Variants in AMN1 observed in about 807,000 individuals in gnomAD.
AMN1 encodes the protein antagonist of mitotic exit network 1 homolog.
AMN1 carries 20 observed loss-of-function variants against 33.0 expected under a neutral mutation model. The observed-to-expected ratio is 0.61, with a 90% CI of 0.43 to 0.88. The LOEUF (loss-of-function observed/expected upper bound fraction) is 0.88. Among genes scored for constraint, AMN1 ranks in the 40% least tolerant of loss-of-function variants. The pLI is 0.00. For synonymous variants in AMN1, 114 were observed against 111.9 expected, an observed-to-expected ratio of 1.02 and a Z score of -0.12; for missense variants, 246 against 307.4, an observed-to-expected ratio of 0.80 and a Z score of 1.49.
intron 6 of AMN1, among the ~76,000 whole-genome samples, chr12:31,688,536 G>A (rs925988079): frequency 2.0e-5 from 3 of 152,134 alleles, no homozygotes; most frequent in Admixed American, 6.6e-5. Flanking sequence ...GGCCGGGCGC[G>A]GCAGCTAACG....
chr12:31,675,190 G>A (rs1291225335), intron 6 of AMN1, among the ~76,000 whole-genome samples: 1 of 151,766 alleles, frequency 6.6e-6, no homozygotes, highest in African/African-American at 2.4e-5. Context: ...GGCCAAGGCG[G>A]GAGGATCACT....
intron 1 of AMN1, among the ~76,000 whole-genome samples, chr12:31,716,270 A>G (rs1050059762): frequency 2.0e-5 from 3 of 152,206 alleles, no homozygotes; most frequent in Non-Finnish European, 2.9e-5. Flanking sequence ...GTGAATATAC[A>G]GTTGGGTCAT....
At chr12:31,681,643 G>A (rs1245133265) in intron 6 of AMN1, among the ~76,000 whole-genome samples, 1 of 152,178 alleles carries the variant, frequency 6.6e-6, no homozygotes, top group Non-Finnish European at 1.5e-5. Flanking sequence ...CTGGAGAGAT[G>A]GCGTGGATGG....
At chr12:31,695,344 T>TTA (rs1176704279) in intron 5 of AMN1, among the ~76,000 whole-genome samples, 16 of 152,180 alleles carry the variant, frequency 1.1e-4, no homozygotes, top group Non-Finnish European at 1.6e-4. Context: ...TATAAGGCAG[T>TTA]TAGTATACAG....
intron 1 of AMN1, among the ~76,000 whole-genome samples, chr12:31,725,252 T>C (rs1206353997): frequency 2.0e-5 from 3 of 152,172 alleles, no homozygotes; most frequent in African/African-American, 4.8e-5. Context: ...ATAAACTGAT[T>C]TGCAAAAATT....
chr12:31,695,487 C>CTTTCTT (rs59342673), intron 5 of AMN1, among the ~76,000 whole-genome samples: 57,721 of 130,392 alleles, frequency 0.44, 14,181 homozygotes, highest in Non-Finnish European at 0.55. Flanking sequence ...TTCTTTCTTT[C>CTTTCTT]TTTTTTTTTT....
chr12:31,712,447 C>T (rs910076487), intron 1 of AMN1, among the ~76,000 whole-genome samples: 6 of 152,018 alleles, frequency 3.9e-5, no homozygotes, highest in African/African-American at 1.4e-4. Context: ...AGGGTTTCAC[C>T]ATGTTGGCCA....
intron 2 of AMN1, among the ~76,000 whole-genome samples, chr12:31,707,256 T>C (rs74703060): frequency 0.041 from 6,182 of 152,318 alleles, 276 homozygotes; most frequent in East Asian, 0.21. Flanking sequence ...GTGTGGTTTG[T>C]GTACTACAGT....
chr12:31,696,987 A>T (rs557480074), intron 5 of AMN1, among the ~76,000 whole-genome samples: 8 of 152,192 alleles, frequency 5.3e-5, no homozygotes, highest in Admixed American at 3.9e-4. Context: ...GGATGACAGG[A>T]TGTCAAGAGA....
intron 1 of AMN1, among the ~76,000 whole-genome samples, chr12:31,710,551 T>TACAC (rs112841301): frequency 0.12 from 18,383 of 147,392 alleles, 1,156 homozygotes; most frequent in East Asian, 0.19. Flanking sequence ...TCTGTTCTTG[T>TACAC]ACACACACAC....
At position 31,716,160 on chromosome 12, in the gene AMN1, C is replaced by T. The variant is rs142078124; in HGVS notation, c.39-6735G>A. On this transcript the variant is annotated intron_variant, in intron 1 of 6. Transcript: ENST00000281471. The stretch of plus-strand genomic sequence containing the variant: ...TTATGTTTGTGAAATTTATCTGTAT[C>T]GTTACATGTAGCTATAGATTATTCA... Among the ~76,000 whole-genome samples, 307 of 152,220 alleles carry T rather than the reference C, an allele frequency of 2.0e-3. 4 individuals carry two copies. Among genetic ancestry groups the T allele is most frequent in the African/African-American group, 6.6e-3 (273 of 41,526 alleles).
rs1201489370 is a variant in AMN1, at chr12:31,701,858, C to T, written c.316+5G>A. On this transcript the variant is annotated splice_donor_5th_base_variant and intron_variant, in intron 3 of 6. Transcript: ENST00000281471. ...TACCAATGTACTCAGTGTTAATAAA[C>T]ATACCTTCTGAAGTTACAGAAACTC... 3 of 1,593,866 alleles carry T rather than the reference C, an allele frequency of 1.9e-6. No homozygotes were observed. Among genetic ancestry groups the T allele is most frequent in the Admixed American group, 1.9e-5 (1 of 53,472 alleles).
intron 6 of AMN1, among the ~76,000 whole-genome samples, chr12:31,681,560 A>G (rs1938015098): frequency 6.6e-6 from 1 of 151,848 alleles, no homozygotes; most frequent in South Asian, 2.1e-4. Context: ...AGATCTCTCA[A>G]TGTTATGATA....
At chr12:31,706,211 C>G (rs953157369) in intron 2 of AMN1, among the ~76,000 whole-genome samples, 2 of 147,944 alleles carry the variant, frequency 1.4e-5, no homozygotes, top group Non-Finnish European at 3.0e-5. Flanking sequence ...ACTCAGGAGG[C>G]TGAGGCAGGA....
At chr12:31,698,066 T>C (rs1177516582) in intron 3 of AMN1, 109 bp from the exon 4 acceptor site, 8 of 964,510 alleles carry the variant, frequency 8.3e-6, no homozygotes, top group Admixed American at 2.2e-5. Context: ...GTTAGCCCTT[T>C]TCAAAGTAGT....
intron 6 of AMN1, among the ~76,000 whole-genome samples, chr12:31,676,522 C>T (rs955563719): frequency 2.0e-5 from 3 of 151,120 alleles, no homozygotes; most frequent in African/African-American, 7.3e-5. Context: ...TGGGGTTTCA[C>T]CATGTTAGCC....
intron 5 of AMN1, among the ~76,000 whole-genome samples, chr12:31,691,357 C>T (rs1938492392): frequency 6.6e-6 from 1 of 150,490 alleles, no homozygotes; most frequent in Non-Finnish European, 1.5e-5. Flanking sequence ...CAGTGGTTGC[C>T]TAAGAGAGGG....
At chr12:31,679,063 C>A (rs939371470) in intron 6 of AMN1, among the ~76,000 whole-genome samples, 1 of 152,144 alleles carries the variant, frequency 6.6e-6, no homozygotes, top group Non-Finnish European at 1.5e-5. Flanking sequence ...AATCCCAGCA[C>A]TTTGAGAGGC....
chr12:31,674,590 G>A (rs1183473069), intron 6 of AMN1, among the ~76,000 whole-genome samples: 1 of 152,086 alleles, frequency 6.6e-6, no homozygotes, highest in Non-Finnish European at 1.5e-5. Flanking sequence ...GCAACCTTAT[G>A]TAACATAACA....
Sources: allele counts gnomAD v4.1 joint callset (sites outside exome capture counted in the v4.1 genomes callset), GRCh38; gene constraint gnomAD v4.1.1; transcripts MANE v1.5; gene names NCBI Gene and HGNC (gene_info 2026-07-23, HGNC 2026-07-21).